Variants in KIFBP observed in about 807,000 individuals in gnomAD.
KIFBP encodes kinesin family binding protein.
Under a neutral mutation model 58.9 loss-of-function variants are expected in KIFBP, and 46 were observed. That is an observed-to-expected ratio of 0.78 (90% CI 0.62 to 1.00). KIFBP has a LOEUF of 1.00. Ranked by LOEUF, KIFBP falls within the 50% of genes least tolerant of loss-of-function variation. The pLI, the probability that KIFBP is intolerant of heterozygous loss-of-function variation, is 0.00. For synonymous variants in KIFBP, 241 were observed against 283.4 expected (o/e 0.85, Z 1.50); for missense variants, 651 against 752.9 (o/e 0.86, Z 1.58).
Position 69,016,647 on chromosome 10 carries a change from TGCTTG to T in KIFBP, c.*232_*236del. On this transcript the variant is annotated 3_prime_UTR_variant, in exon 7 of 7. Transcript: ENST00000361983. Reference sequence around the variant, plus strand: ...AAAGACATGTGATTTGTATTTTAGATGCTTGTTTCCTATTAAAATACAGACATTTC... The same window carrying T: ...AAAGACATGTGATTTGTATTTTAGATTTTCCTATTAAAATACAGACATTTC... The T allele has an allele frequency of 2.0e-6, 1 of 506,032 alleles. No individual in the cohort carries two copies. Among genetic ancestry groups the T allele is most frequent in the Non-Finnish European group, 3.5e-6 (1 of 285,130 alleles). 31.3% of individuals were successfully genotyped at this position (506,032 alleles called of 1,614,324 possible).
intron 2 of KIFBP, among the ~76,000 whole-genome samples, chr10:69,004,253 C>T (rs1431001081): frequency 2.0e-5 from 3 of 148,466 alleles, no homozygotes; most frequent in Non-Finnish European, 3.0e-5. Context: ...CTTAAAGAGG[C>T]TGGGCACCTT....
intron 6 of KIFBP, among the ~76,000 whole-genome samples, chr10:69,011,493 A>C (rs1843590993): frequency 1.3e-5 from 2 of 148,374 alleles, no homozygotes; most frequent in South Asian, 4.2e-4. Flanking sequence ...TCCCCGGCTC[A>C]TGCAGTCCTC....
At chr10:68,998,771 A>ATATTT (rs1357079794) in intron 1 of KIFBP, among the ~76,000 whole-genome samples, 2 of 99,856 alleles carry the variant, frequency 2.0e-5, no homozygotes, top group African/African-American at 7.4e-5. Flanking sequence ...ATATATATAT[A>ATATTT]TTTTTTTTTT....
chr10:68,993,682 G>T (rs1843375556), intron 1 of KIFBP, among the ~76,000 whole-genome samples: 1 of 151,146 alleles, frequency 6.6e-6, no homozygotes, highest in Non-Finnish European at 1.5e-5. Flanking sequence ...TCAAACTCCT[G>T]GCCTCAAGTG....
intron 4 of KIFBP, among the ~76,000 whole-genome samples, chr10:69,008,391 A>AAAAAAAAAAAAAAAATATATATAT: frequency 1.4e-5 from 1 of 71,614 alleles, no homozygotes; most frequent in African/African-American, 7.8e-5. Flanking sequence ...AAAAAAAAAA[A>AAAAAAAAAAAAAAAATATATATAT]ATATATATAT....
Position 69,015,960 on chromosome 10 carries a change from C to T in KIFBP, c.1410C>T (p.Asn470=), listed in dbSNP as rs1394407626. 6.2e-7 allele frequency: 1 copy of T among 1,614,158 alleles called. No individual in the cohort carries two copies. The highest frequency in any genetic ancestry group is 8.5e-7 in the Non-Finnish European group (1 of 1,180,012). Residue 470 remains asparagine, a synonymous_variant, in exon 7 of 7, where the codon AAC becomes AAT. Coordinates refer to ENST00000361983, the MANE Select transcript of KIFBP (RefSeq NM_015634.4). ...DLNPQYYLLV[N]RQIQFEIAHA... is the part of the protein sequence containing the mutation. ...ATCCACAGTATTATCTGTTGGTCAA[C>T]AGACAGATCCAGTTTGAAATTGCAC...
At chr10:69,003,013 A>G (rs1442570400) in intron 2 of KIFBP, among the ~76,000 whole-genome samples, 1 of 150,496 alleles carries the variant, frequency 6.6e-6, no homozygotes, top group African/African-American at 2.5e-5. Flanking sequence ...TTCAAGACCA[A>G]CATGAGCAAC....
Position 68,989,111 on chromosome 10 carries a change from G to T in KIFBP, c.279G>T (p.Arg93Ser). 6.2e-7 allele frequency: 1 copy of T among 1,611,184 alleles called. No individual in the cohort carries two copies. The highest frequency in any genetic ancestry group is 1.1e-5 in the South Asian group (1 of 90,856). ...PEGPVAQRAVRLAVIEFHLGV... is the reference protein window; with the variant it reads ...PEGPVAQRAVSLAVIEFHLGV... ...GGCCCGTCGCCCAGCGAGCGGTGAG[G>T]CTGGCAGTCATCGAGTTCCACCTCG... The change falls in exon 1 of 7, where the codon AGG (arginine) becomes AGT (serine). Residue 93 changes from arginine (R) to serine (S), a missense_variant. Physicochemically the swap from Arg to Ser is moderately radical, Grantham distance 110 (BLOSUM62 -1). Transcript: ENST00000361983.
At position 69,010,925 on chromosome 10, in the gene KIFBP, AG is replaced by A. The variant is rs1843583124; in HGVS notation, c.901del (p.Glu301SerfsTer10). On this transcript the variant is annotated frameshift_variant, in exon 6 of 7. Transcript: ENST00000361983. LOFTEE classifies it high-confidence loss of function. ...DTPEAEGEVP[E>X]LYHQRKGEIA... ...CTCCTGAAGCTGAAGGAGAAGTGCC[AG>A]AGCTTTATCATCAAAGAAAGGGGGA... 6.2e-7 allele frequency: 1 copy of A among 1,613,870 alleles called. No individual in the cohort carries two copies. The highest frequency in any genetic ancestry group is 1.3e-5 in the African/African-American group (1 of 74,936).
chr10:69,002,966 G>A (rs887645360), intron 2 of KIFBP, among the ~76,000 whole-genome samples: 1 of 151,526 alleles, frequency 6.6e-6, no homozygotes, highest in South Asian at 2.1e-4. Context: ...CCAGCACTTT[G>A]GGAGGCCGAG....
At chr10:68,999,290 G>A (rs1843438878) in intron 1 of KIFBP, among the ~76,000 whole-genome samples, 1 of 150,660 alleles carries the variant, frequency 6.6e-6, no homozygotes, top group South Asian at 2.1e-4. Context: ...TAGAGATGGG[G>A]TTTCACCATT....
chr10:69,008,901 G>A lies in KIFBP; in HGVS notation c.850G>A (p.Gly284Arg). Residue 284 changes from glycine to arginine, a missense_variant, in exon 5 of 7, where the codon GGA becomes AGA. Physicochemically the swap from Gly to Arg is moderately radical, Grantham distance 125. Coordinates refer to ENST00000361983, the MANE Select transcript of KIFBP (RefSeq NM_015634.4). Reference sequence around the variant, plus strand: ...TGCTAATGTCATTTTTGGTCAAACTGGAAAGATCTCAGCCACAGAAGACAG... The same window carrying A: ...TGCTAATGTCATTTTTGGTCAAACTAGAAAGATCTCAGCCACAGAAGACAG... Reference protein sequence around the residue: ...SAANVIFGQTGKISATEDTPE... With the variant: ...SAANVIFGQTRKISATEDTPE... The A allele has an allele frequency of 6.2e-7, 1 of 1,613,382 alleles. No homozygotes were observed. Among genetic ancestry groups the A allele is most frequent in the Non-Finnish European group, 8.5e-7 (1 of 1,179,536 alleles).
chr10:68,993,491 A>G (rs970863429), intron 1 of KIFBP, among the ~76,000 whole-genome samples: 2 of 152,150 alleles, frequency 1.3e-5, no homozygotes, highest in African/African-American at 2.4e-5. Context: ...TCTTTTATAC[A>G]TGATACTTAT....
chr10:68,988,819 C>T lies in KIFBP; in HGVS notation c.-14C>T, dbSNP rs945826625. 6 of 1,614,134 alleles carry T rather than the reference C, an allele frequency of 3.7e-6. No homozygotes were observed. In the African/African-American group the frequency reaches 4.0e-5, roughly 11 times the overall value. On this transcript the variant is annotated 5_prime_UTR_variant, in exon 1 of 7. Coordinates refer to ENST00000361983, the MANE Select transcript of KIFBP (RefSeq NM_015634.4). Reference sequence around the variant, plus strand: ...ACTGCAAACATTGAGGAAAGCCAGGCAGTAGAGGCCGCTATGGCGAACGTT... The same window carrying T: ...ACTGCAAACATTGAGGAAAGCCAGGTAGTAGAGGCCGCTATGGCGAACGTT...
At chr10:69,013,811 A>G (rs1005083660) in intron 6 of KIFBP, among the ~76,000 whole-genome samples, 7 of 152,070 alleles carry the variant, frequency 4.6e-5, no homozygotes, top group African/African-American at 1.2e-4. Context: ...GTGCAGTGGC[A>G]TGATCTCCAC....
intron 6 of KIFBP, among the ~76,000 whole-genome samples, chr10:69,012,603 T>C (rs971121885): frequency 6.6e-6 from 1 of 151,992 alleles, no homozygotes; most frequent in Non-Finnish European, 1.5e-5. Context: ...TATAAAGAAC[T>C]ACTTGAGGCC....
In KIFBP at chr10:69,016,495, A is replaced by G. The variant is rs749380901; in HGVS notation, c.*79A>G. ...GTCAGACAGGCCCAATTCCATTGTG[A>G]TGTTTACCTTTATAGCCAGGTGAGT... On this transcript the variant is annotated 3_prime_UTR_variant, in exon 7 of 7. Coordinates refer to ENST00000361983, the MANE Select transcript of KIFBP (RefSeq NM_015634.4). 3.5e-6 allele frequency: 5 copies of G among 1,448,604 alleles called. No homozygotes were observed. Among genetic ancestry groups the G allele is most frequent in the Non-Finnish European group, 4.8e-6 (5 of 1,038,202 alleles). 89.7% of individuals were successfully genotyped at this position (1,448,604 alleles called of 1,614,324 possible). A position where few individuals can be genotyped will look rare whatever the true frequency, so the allele number is the denominator to read the frequency against.
At chr10:68,993,950 T>C (rs1843377987) in intron 1 of KIFBP, among the ~76,000 whole-genome samples, 1 of 152,202 alleles carries the variant, frequency 6.6e-6, no homozygotes, top group African/African-American at 2.4e-5. Context: ...GTGAAAATAT[T>C]TTGAATTAGT....
At chr10:69,013,872 G>A (rs1222693303) in intron 6 of KIFBP, among the ~76,000 whole-genome samples, 1 of 152,114 alleles carries the variant, frequency 6.6e-6, no homozygotes. Context: ...ACATCAGCCT[G>A]CCAAGTAACT....
Sources: allele counts gnomAD v4.1 joint callset (sites outside exome capture counted in the v4.1 genomes callset), GRCh38; gene constraint gnomAD v4.1.1; transcripts MANE v1.5; gene names NCBI Gene and HGNC (gene_info 2026-07-23, HGNC 2026-07-21).